ZYG11B: variants seen among roughly 807,000 people sequenced by gnomAD.
ZYG11B encodes protein zyg-11 homolog B.
Under a neutral mutation model 82.4 loss-of-function variants are expected in ZYG11B, and 36 were observed. The observed-to-expected ratio is 0.44, with a 90% CI of 0.33 to 0.58. The LOEUF is 0.58. ZYG11B is among the 20% of genes least tolerant of loss of function. The pLI is 0.02. For missense variants in ZYG11B, 552 were observed against 895.6 expected (o/e 0.62, Z 4.90); for synonymous variants, 303 against 312.8 (o/e 0.97, Z 0.33).
intron 1 of ZYG11B, among the ~76,000 whole-genome samples, chr1:52,730,010 G>A (rs1644316658): frequency 6.6e-6 from 1 of 152,084 alleles, no homozygotes; most frequent in African/African-American, 2.4e-5. Context: ...GTTTCGCCAT[G>A]TTGCCTAGGC....
At chr1:52,819,841 T>G (rs1645268030) in intron 13 of ZYG11B, among the ~76,000 whole-genome samples, 1 of 152,028 alleles carries the variant, frequency 6.6e-6, no homozygotes, top group Admixed American at 6.6e-5. Flanking sequence ...GTATTTATTT[T>G]TGTCACTACT....
rs1644748971 is a variant in ZYG11B, at chr1:52,771,405, T to G, written c.582T>G (p.Ser194=). 1 of 1,614,054 alleles carries G rather than the reference T, an allele frequency of 6.2e-7. No homozygotes were observed. The change falls in exon 3 of 14, where the codon TCT becomes TCG. Residue 194 remains serine (S), a synonymous_variant. Transcript: ENST00000294353. This position sits in a 1 kb window ranked among gnomAD's most constrained non-coding sequence, Gnocchi z 5.4. The part of the protein sequence containing the change: ...SLPRLESLDI[S]NTSITDITAL... ...CAAGATTAGAGAGCTTGGATATTTCTAACACCTCAATCACAGACATCACTG... is the reference window on the plus strand; with the variant it reads ...CAAGATTAGAGAGCTTGGATATTTCGAACACCTCAATCACAGACATCACTG...
At chr1:52,799,348 G>A (rs1645055764) in intron 8 of ZYG11B, among the ~76,000 whole-genome samples, 1 of 151,796 alleles carries the variant, frequency 6.6e-6, no homozygotes, top group Non-Finnish European at 1.5e-5. Flanking sequence ...TTAGCCAGGT[G>A]TGGTGGCAGG....
intron 1 of ZYG11B, among the ~76,000 whole-genome samples, chr1:52,735,698 G>A (rs1258151948): frequency 6.6e-6 from 1 of 151,950 alleles, no homozygotes; most frequent in African/African-American, 2.4e-5. Context: ...TGCCATGCCC[G>A]GCTAATTTTT....
At chr1:52,772,620 C>T (rs1644763450) in intron 3 of ZYG11B, 4 of 1,137,404 alleles carry the variant, frequency 3.5e-6, no homozygotes, top group Admixed American at 3.4e-5. Flanking sequence ...CTGGGACAGG[C>T]CCTTCTCAGG....
At chr1:52,734,843 C>G (rs1230481063) in intron 1 of ZYG11B, among the ~76,000 whole-genome samples, 2 of 151,928 alleles carry the variant, frequency 1.3e-5, no homozygotes, top group Non-Finnish European at 2.9e-5. Context: ...ATTTTCCTGC[C>G]TCAGCCCCCC....
In ZYG11B at chr1:52,803,103, T is replaced by TATATATATATATATATATATATACAC. The variant is rs1558140012; in HGVS notation, c.1695+979_1695+980insTATATATACACATATATATATATATA. Among the ~76,000 whole-genome samples, 13 of 79,698 alleles carry TATATATATATATATATATATATACAC rather than the reference T, an allele frequency of 1.6e-4. 1 individual carries two copies. The highest frequency in any genetic ancestry group is 2.1e-4 in the Non-Finnish European group (11 of 53,148). 52.3% of individuals were successfully genotyped at this position (79,698 alleles called of 152,430 possible). On this transcript the variant is annotated intron_variant, in intron 10 of 13. Coordinates refer to ENST00000294353, the MANE Select transcript of ZYG11B (RefSeq NM_024646.3). ...ATATATACACATATATATATACATA[T>TATATATATATATATATATATATACAC]ATATATATATATATACACACATATA...
chr1:52,790,127 G>A, intron 6 of ZYG11B, 60 bp downstream of exon 6: 1 of 1,242,040 alleles, frequency 8.1e-7, no homozygotes, highest in Non-Finnish European at 1.1e-6. Context: ...ATCTGTCTTG[G>A]GTCATTTCTT....
intron 4 of ZYG11B, among the ~76,000 whole-genome samples, chr1:52,782,244 A>G (rs984670072): frequency 2.6e-5 from 4 of 151,164 alleles, no homozygotes; most frequent in Admixed American, 6.6e-5. Flanking sequence ...TGAATTTTAA[A>G]ATTTGTTATT....
chr1:52,765,190 C>G (rs1008078506), intron 2 of ZYG11B, among the ~76,000 whole-genome samples: 1 of 150,400 alleles, frequency 6.6e-6, no homozygotes, highest in African/African-American at 2.4e-5. Context: ...TCCAGCCTAT[C>G]TTTTTTTTTA....
At chr1:52,732,353 C>G (rs758034608) in intron 1 of ZYG11B, among the ~76,000 whole-genome samples, 3 of 152,154 alleles carry the variant, frequency 2.0e-5, no homozygotes, top group Non-Finnish European at 4.4e-5. Flanking sequence ...AAATTTCCTT[C>G]TTGCTTAAAA....
rs760749281 is a variant in ZYG11B, at chr1:52,783,788, T to TTATATATA, written c.1093-1078_1093-1071dup. ...TAGGCGTGTACTACCATGCCCAGCT[T>TTATATATA]TATATATATATATATATACACACAC... is the stretch of plus-strand genomic sequence containing the variant. On this transcript the variant is annotated intron_variant, in intron 4 of 13. Transcript: ENST00000294353. Among the ~76,000 whole-genome samples the TTATATATA allele has an allele frequency of 0.011, 565 of 51,416 alleles. 12 individuals are homozygous for TTATATATA. The East Asian group carries it at 0.17, about 15-fold the overall frequency. 33.7% of individuals were successfully genotyped at this position (51,416 alleles called of 152,430 possible).
At chr1:52,813,228 G>C (rs1366599405) in intron 10 of ZYG11B, among the ~76,000 whole-genome samples, 1 of 152,042 alleles carries the variant, frequency 6.6e-6, no homozygotes, top group East Asian at 1.9e-4. Context: ...AGAGATTTGG[G>C]GTACAGGTCA....
At chr1:52,811,040 A>AG in intron 10 of ZYG11B, among the ~76,000 whole-genome samples, 1 of 98,744 alleles carries the variant, frequency 1.0e-5, no homozygotes, top group East Asian at 2.0e-3. Flanking sequence ...TCTCAAAAAA[A>AG]AAAAAAAAAA....
At chr1:52,737,182 C>A (rs537224445) in intron 1 of ZYG11B, among the ~76,000 whole-genome samples, 1 of 152,218 alleles carries the variant, frequency 6.6e-6, no homozygotes, top group South Asian at 2.1e-4. Flanking sequence ...GTGCCTGGTA[C>A]TACTTCTTAA....
intron 3 of ZYG11B, among the ~76,000 whole-genome samples, chr1:52,774,609 ATT>A (rs35043109): frequency 4.5e-5 from 5 of 111,148 alleles, no homozygotes; most frequent in Non-Finnish European, 3.4e-5. Flanking sequence ...GCCTGGCCTA[ATT>A]TTTTTTTTTT....
chr1:52,782,761 G>T (rs1048272986), intron 4 of ZYG11B, among the ~76,000 whole-genome samples: 1 of 151,520 alleles, frequency 6.6e-6, no homozygotes, highest in African/African-American at 2.4e-5. Flanking sequence ...AGAGACGGGG[G>T]TCACACTATG....
chr1:52,813,323 T>C (rs999689415), intron 10 of ZYG11B, among the ~76,000 whole-genome samples: 1 of 152,162 alleles, frequency 6.6e-6, no homozygotes, highest in African/African-American at 2.4e-5. Flanking sequence ...CCCTAAACTA[T>C]GATCTCTGTT....
At chr1:52,774,594 A>C in intron 3 of ZYG11B, among the ~76,000 whole-genome samples, 1 of 140,920 alleles carries the variant, frequency 7.1e-6, no homozygotes, top group Admixed American at 7.1e-5. Context: ...GGCGTGAGCC[A>C]CTGTGCCTGG....
Sources: allele counts gnomAD v4.1 joint callset (sites outside exome capture counted in the v4.1 genomes callset), GRCh38; gene constraint gnomAD v4.1.1; non-coding constraint Gnocchi (gnomAD v3.1); transcripts MANE v1.5; gene names NCBI Gene and HGNC (gene_info 2026-07-23, HGNC 2026-07-21).